Variants in TIAM1 observed in about 807,000 individuals in gnomAD.
TIAM1 encodes the protein rho guanine nucleotide exchange factor TIAM1.
TIAM1 carries 65 observed loss-of-function variants against 163.5 expected under a neutral mutation model. That is an observed-to-expected ratio of 0.40 (90% CI 0.33 to 0.49). The LOEUF (loss-of-function observed/expected upper bound fraction) is 0.49, where lower values mean the gene tolerates loss of function less well. Among genes scored for constraint, TIAM1 ranks in the 20% least tolerant of loss-of-function variants. The pLI, the probability that TIAM1 is intolerant of heterozygous loss-of-function variation, is 0.77. For missense variants in TIAM1, 1,789 were observed against 2,044.7 expected (o/e 0.87, Z 2.41); for synonymous variants, 833 against 810.1 (o/e 1.03, Z -0.48).
intron 15 of TIAM1, among the ~76,000 whole-genome samples, chr21:31,180,730 A>G (rs1247528195): frequency 6.6e-6 from 1 of 152,240 alleles, no homozygotes; most frequent in Non-Finnish European, 1.5e-5. Flanking sequence ...CGATCCTGCC[A>G]TCTTGTGGTC....
At chr21:31,473,511 T>C (rs1361224643) in intron 1 of TIAM1, among the ~76,000 whole-genome samples, 2 of 100,414 alleles carry the variant, frequency 2.0e-5, no homozygotes, top group Admixed American at 2.1e-4. Flanking sequence ...CCCAGGTTGA[T>C]TTAAGGTTAA....
intron 1 of TIAM1, among the ~76,000 whole-genome samples, chr21:31,533,235 C>T (rs551769982): frequency 2.0e-5 from 3 of 152,182 alleles, no homozygotes; most frequent in Non-Finnish European, 2.9e-5. Context: ...GCAGGAGAAT[C>T]GCTTGAACAT....
chr21:31,391,628 A>AAAAAC (rs1160032541), intron 2 of TIAM1, among the ~76,000 whole-genome samples: 1 of 152,184 alleles, frequency 6.6e-6, no homozygotes, highest in African/African-American at 2.4e-5. Flanking sequence ...CTGTCTTAAA[A>AAAAAC]AAAACAAAAC....
chr21:31,380,696 T>C (rs2076764247), intron 2 of TIAM1, among the ~76,000 whole-genome samples: 1 of 152,204 alleles, frequency 6.6e-6, no homozygotes, highest in Non-Finnish European at 1.5e-5. Flanking sequence ...AATTAATCTA[T>C]TACCACAGTA....
At position 31,120,942 on chromosome 21, in the gene TIAM1, G is replaced by T; in HGVS notation, c.4307-105C>A. 1 of 1,030,816 alleles carries T rather than the reference G, an allele frequency of 9.7e-7. No homozygotes were observed. The highest frequency in any genetic ancestry group is 1.4e-6 in the Non-Finnish European group (1 of 726,078). The allele number at this position is 1,030,816 out of a possible 1,614,324, so 63.9% of individuals were successfully genotyped here. Reference sequence around the variant, plus strand: ...GAGAAAATAAAAACCAAAACGGTATGCATTGAATGCCTTGATGTCTTTTGG... The same window carrying T: ...GAGAAAATAAAAACCAAAACGGTATTCATTGAATGCCTTGATGTCTTTTGG... On this transcript the variant is annotated intron_variant, in intron 27 of 27. Transcript: ENST00000541036. This position sits in a 1 kb window ranked among gnomAD's most constrained non-coding sequence, Gnocchi z 4.2.
chr21:31,155,718 A>C (rs565404871), intron 16 of TIAM1, among the ~76,000 whole-genome samples: 22 of 151,860 alleles, frequency 1.4e-4, no homozygotes, highest in East Asian at 7.7e-4. Flanking sequence ...GTTGGCCAGG[A>C]TGGTCTCAAT....
At chr21:31,454,632 G>A (rs906071158) in intron 2 of TIAM1, among the ~76,000 whole-genome samples, 2 of 152,180 alleles carry the variant, frequency 1.3e-5, no homozygotes, top group African/African-American at 4.8e-5. Flanking sequence ...CCACGTGGGA[G>A]GAGGTAGAGC....
chr21:31,168,955 C>T lies in TIAM1; in HGVS notation c.2888-3890G>A, dbSNP rs536795673. The stretch of plus-strand genomic sequence containing the variant: ...CACCAAGGAATGACACCGCAATGAT[C>T]AGATGTAGAATGTCAAATAAGTATG... On this transcript the variant is annotated intron_variant, in intron 15 of 27. Coordinates refer to ENST00000541036, the MANE Select transcript of TIAM1 (RefSeq NM_001353694.2). Among the ~76,000 whole-genome samples the T allele has an allele frequency of 1.2e-3, 188 of 152,130 alleles. 1 individual carries two copies. The highest frequency in any genetic ancestry group is 2.3e-3 in the Non-Finnish European group (154 of 68,032).
At position 31,120,071 on chromosome 21, in the gene TIAM1, C is replaced by T. The variant is rs556766315; in HGVS notation, c.*297G>A. 2.4e-5 allele frequency: 7 copies of T among 293,962 alleles called. No individual in the cohort carries two copies. Among genetic ancestry groups the T allele is most frequent in the Non-Finnish European group, 4.4e-5 (7 of 159,262 alleles). 18.2% of individuals were successfully genotyped at this position (293,962 alleles called of 1,614,324 possible). ...TCCTGGGGTGATTTGCTTTCCAGTG[C>T]TATAGAATCTTTTTTCTTTTAATTG... On this transcript the variant is annotated 3_prime_UTR_variant, in exon 28 of 28. Transcript: ENST00000541036. The surrounding 1 kb of genome is among the most constrained non-coding windows in gnomAD (Gnocchi z 4.2).
chr21:31,142,463 C>CAAAAAA (rs34368848), intron 20 of TIAM1, among the ~76,000 whole-genome samples: 12 of 49,910 alleles, frequency 2.4e-4, no homozygotes, highest in Admixed American at 6.0e-4. Context: ...ACTAAAAATA[C>CAAAAAA]AAAAAAAAAA....
intron 2 of TIAM1, among the ~76,000 whole-genome samples, chr21:31,446,543 G>A (rs139515562): frequency 1.6e-4 from 25 of 152,284 alleles, no homozygotes; most frequent in African/African-American, 5.8e-4. Flanking sequence ...AGTGTTTATG[G>A]ACACTACTGA....
chr21:31,125,613 C>T (rs1388197775), intron 26 of TIAM1, among the ~76,000 whole-genome samples: 3 of 152,168 alleles, frequency 2.0e-5, no homozygotes, highest in Non-Finnish European at 2.9e-5. Context: ...CTCGCTCTGT[C>T]GCCCAGGCTG....
At chr21:31,530,339 T>G (rs1025941777) in intron 1 of TIAM1, among the ~76,000 whole-genome samples, 2 of 152,222 alleles carry the variant, frequency 1.3e-5, no homozygotes, top group African/African-American at 2.4e-5. Flanking sequence ...GCTGAGACAT[T>G]CAGCAACTTG....
intron 2 of TIAM1, among the ~76,000 whole-genome samples, chr21:31,442,743 G>A (rs1250419219): frequency 1.3e-5 from 2 of 152,220 alleles, no homozygotes; most frequent in East Asian, 3.9e-4. Flanking sequence ...TCACAGCCTA[G>A]TCAAAAAGAG....
At chr21:31,384,752 G>T (rs376802423) in intron 2 of TIAM1, among the ~76,000 whole-genome samples, 4 of 152,282 alleles carry the variant, frequency 2.6e-5, no homozygotes, top group African/African-American at 9.6e-5. Context: ...CAAGAGGGTT[G>T]CACAGAAGGG....
chr21:31,154,739 G>C (rs577905390), intron 16 of TIAM1, among the ~76,000 whole-genome samples: 8 of 152,184 alleles, frequency 5.3e-5, no homozygotes, highest in Non-Finnish European at 1.2e-4. Flanking sequence ...GATGCAGTAC[G>C]TAAGTGGCAG....
At chr21:31,512,051 G>A (rs1358440132) in intron 1 of TIAM1, among the ~76,000 whole-genome samples, 2 of 152,084 alleles carry the variant, frequency 1.3e-5, no homozygotes, top group East Asian at 3.9e-4. Flanking sequence ...TACCTAAGCT[G>A]CCTGGGATGC....
In TIAM1 at chr21:31,210,603, AAGGAAGGAAGGGAG is replaced by A. The variant is rs1569031531; in HGVS notation, c.2218-402_2218-389del. ...GAAAGAAAGAAAGAAAGAGAGAAAG[AAGGAAGGAAGGGAG>A]AAAGAAAGAAAGAAAGAAAGAAAGA... On this transcript the variant is annotated intron_variant, in intron 10 of 27. Coordinates refer to ENST00000541036, the MANE Select transcript of TIAM1 (RefSeq NM_001353694.2). Among the ~76,000 whole-genome samples the A allele has an allele frequency of 1.9e-4, 21 of 108,358 alleles. 1 individual carries two copies. Among genetic ancestry groups the A allele is most frequent in the African/African-American group, 6.3e-4 (17 of 27,148 alleles). The allele number at this position is 108,358 out of a possible 152,430, so 71.1% of individuals were successfully genotyped here. A position where few individuals can be genotyped will look rare whatever the true frequency, so the allele number is the denominator to read the frequency against.
At chr21:31,362,478 T>A (rs534664189) in intron 2 of TIAM1, among the ~76,000 whole-genome samples, 28 of 142,802 alleles carry the variant, frequency 2.0e-4, no homozygotes, top group Admixed American at 4.8e-4. Context: ...TTATTATTAT[T>A]ATATTTGAGA....
Sources: gnomAD v4.1 joint callset for allele counts (sites outside exome capture counted in the v4.1 genomes callset) on GRCh38, gnomAD v4.1.1 for gene constraint, Gnocchi (gnomAD v3.1) non-coding constraint, MANE v1.5 for transcripts, NCBI Gene and HGNC (gene_info 2026-07-23, HGNC 2026-07-21) for gene names.